CCDC14: variants seen among roughly 807,000 people sequenced by gnomAD.
The protein encoded by CCDC14 is coiled-coil domain-containing protein 14.
CCDC14 carries 71 observed loss-of-function variants against 81.4 expected under a neutral mutation model. The ratio of observed to expected loss-of-function variants is 0.87; its 90% CI spans 0.72 to 1.06. CCDC14 has a LOEUF of 1.06. CCDC14 is among the 50% of genes least tolerant of loss of function. The pLI, the probability that CCDC14 is intolerant of heterozygous loss-of-function variation, is 0.00. For synonymous variants in CCDC14, 332 were observed against 364.8 expected (o/e 0.91, Z 1.03); for missense variants, 1,046 against 1,047.3 (o/e 1.00, Z 0.02).
At position 123,946,994 on chromosome 3, in the gene CCDC14, G is replaced by C. The variant is rs151104051; in HGVS notation, c.1010C>G (p.Thr337Ser). Residue 337 changes from threonine to serine, a missense_variant, in exon 8 of 13, where the codon ACT (threonine) becomes AGT (serine). Transcript: ENST00000409697. ...CTCTCTGGCACATTTTTCTTCATTA[G>C]TGGCCAAGAAAGCTGGTTGTGACTG... The part of the protein sequence containing the change: ...PTQSQPAFLA[T>S]NEEKCAREQI... 15 of 1,613,752 alleles carry C rather than the reference G, an allele frequency of 9.3e-6. No individual in the cohort carries two copies. Among genetic ancestry groups the C allele is most frequent in the Non-Finnish European group, 1.2e-5 (14 of 1,179,866 alleles).
At chr3:123,908,634 T>A (rs928647170), downstream of CCDC14, among the ~76,000 whole-genome samples, 1 of 152,218 alleles carries the variant, frequency 6.6e-6, no homozygotes, top group African/African-American at 2.4e-5. Context: ...TAAATTCTCA[T>A]ACCCTTTCTG....
chr3:123,935,851 T>C (rs1220626117), intron 9 of CCDC14, among the ~76,000 whole-genome samples: 1 of 152,134 alleles, frequency 6.6e-6, no homozygotes, highest in Non-Finnish European at 1.5e-5. Context: ...TCTTCTCAAT[T>C]GTATACTTTC....
the CCDC14 span, among the ~76,000 whole-genome samples, chr3:123,886,610 A>G: frequency 6.6e-6 from 1 of 151,960 alleles, no homozygotes; most frequent in Non-Finnish European, 1.5e-5. Context: ...GTTGGCCAGG[A>G]TAGTCTCAAT....
chr3:123,909,099 T>G (rs1201100472), downstream of CCDC14, among the ~76,000 whole-genome samples: 1 of 152,024 alleles, frequency 6.6e-6, no homozygotes, highest in African/African-American at 2.4e-5. Flanking sequence ...GTTTTGGAGC[T>G]CCTTACTTTT....
intron 12 of CCDC14, among the ~76,000 whole-genome samples, chr3:123,925,090 G>C (rs2464117): frequency 6.6e-6 from 1 of 151,054 alleles, no homozygotes; most frequent in African/African-American, 2.4e-5. Context: ...ATTTCTTTAA[G>C]GAAAACGTGG....
chr3:123,908,668 T>G (rs1460515018), downstream of CCDC14, among the ~76,000 whole-genome samples: 1 of 151,726 alleles, frequency 6.6e-6, no homozygotes, highest in African/African-American at 2.4e-5. Context: ...TTGAGAGAAG[T>G]TGCTTTAAGT....
chr3:123,905,008 TGAGA>T (rs1320074761), intron 5 of CCDC14, among the ~76,000 whole-genome samples: 1 of 151,196 alleles, frequency 6.6e-6, no homozygotes, highest in Non-Finnish European at 1.5e-5. Context: ...GTAAAACAGA[TGAGA>T]GAGAGAGAGA....
At chr3:123,940,121 TAAAAC>T (rs915110243) in intron 9 of CCDC14, among the ~76,000 whole-genome samples, 10 of 151,640 alleles carry the variant, frequency 6.6e-5, no homozygotes, top group African/African-American at 2.4e-4. Context: ...TAGTAGCAAT[TAAAAC>T]AGAAAGACTT....
downstream of CCDC14, among the ~76,000 whole-genome samples, chr3:123,893,725 AAT>A (rs1271335540): frequency 6.6e-6 from 1 of 152,080 alleles, no homozygotes; most frequent in African/African-American, 2.4e-5. Context: ...TATTCTCATT[AAT>A]ATATATTATT....
intron 1 of CCDC14, chr3:123,958,556 C>T (rs1234882297): frequency 6.6e-6 from 1 of 151,892 alleles, no homozygotes; most frequent in Non-Finnish European, 1.5e-5. Context: ...TTTCCATATT[C>T]TCTCTCAATA....
At chr3:123,903,640 C>T (rs778791261) in intron 5 of CCDC14, among the ~76,000 whole-genome samples, 6 of 152,202 alleles carry the variant, frequency 3.9e-5, no homozygotes, top group East Asian at 1.9e-4. Context: ...GACTGGCCCA[C>T]TCTCTGTTTA....
chr3:123,906,189 G>T (rs529136066), intron 5 of CCDC14, among the ~76,000 whole-genome samples: 4 of 152,142 alleles, frequency 2.6e-5, no homozygotes, highest in African/African-American at 9.6e-5. Flanking sequence ...AATTAGCCAG[G>T]CGTGGTGGTG....
Position 123,939,051 on chromosome 3 carries a change from G to A in CCDC14, c.1344-5296C>T, listed in dbSNP as rs2036207078. ...TTTGAATTCACCTTTTGGTTGACTGGACTTTGCCATTCAAGTTTTTTGTTT... is the reference window on the plus strand; with the variant it reads ...TTTGAATTCACCTTTTGGTTGACTGAACTTTGCCATTCAAGTTTTTTGTTT... On this transcript the variant is annotated intron_variant, in intron 9 of 12. Transcript: ENST00000409697. Among the ~76,000 whole-genome samples the A allele has an allele frequency of 5.9e-5, 9 of 151,940 alleles. No homozygotes were observed. The South Asian group carries it at 1.9e-3, about 32-fold the overall frequency.
intron 5 of CCDC14, among the ~76,000 whole-genome samples, chr3:123,904,534 C>T (rs963262386): frequency 6.7e-6 from 1 of 150,212 alleles, no homozygotes; most frequent in Non-Finnish European, 1.5e-5. Context: ...ATAACCAACT[C>T]GTTAATCTCA....
intron 9 of CCDC14, among the ~76,000 whole-genome samples, chr3:123,944,002 C>A (rs1394248087): frequency 2.0e-5 from 3 of 152,138 alleles, no homozygotes; most frequent in Non-Finnish European, 4.4e-5. Context: ...CAGTCAGAAA[C>A]ACAGGCAAAA....
chr3:123,946,735 T>C (rs765984664), intron 8 of CCDC14, 68 bp downstream of exon 8: 7 of 1,392,848 alleles, frequency 5.0e-6, no homozygotes, highest in Admixed American at 2.2e-5. Context: ...ATTTAAATGA[T>C]AGCTAAATAA....
In CCDC14 at chr3:123,915,291, T is replaced by C. The variant is rs759816096; in HGVS notation, c.2206A>G (p.Arg736Gly). 1 of 1,613,976 alleles carries C rather than the reference T, an allele frequency of 6.2e-7. No individual in the cohort carries two copies. The highest frequency in any genetic ancestry group is 8.5e-7 in the Non-Finnish European group (1 of 1,179,890). ...LDNTIYIPFA[R>G]STPEKKSPLS... ...GGTGATTTCTTTTCAGGAGTGCTTCTAGCAAAAGGAATGTAAATTGTATTA... is the reference window on the plus strand; with the variant it reads ...GGTGATTTCTTTTCAGGAGTGCTTCCAGCAAAAGGAATGTAAATTGTATTA... Residue 736 changes from arginine (R) to glycine (G), a missense_variant, in exon 13 of 13, where the codon AGA (arginine) becomes GGA (glycine). By Grantham distance (125) the Arg-to-Gly change is moderately radical (BLOSUM62 -2). Coordinates refer to ENST00000409697, the MANE Select transcript of CCDC14 (RefSeq NM_001366335.1).
At chr3:123,919,322 C>T (rs2034901910) in intron 12 of CCDC14, among the ~76,000 whole-genome samples, 2 of 152,186 alleles carry the variant, frequency 1.3e-5, no homozygotes, top group South Asian at 4.1e-4. Context: ...GAAGTCCAGC[C>T]TGAGGTTTTG....
intron 7 of CCDC14, among the ~76,000 whole-genome samples, chr3:123,948,133 G>A (rs981269720): frequency 1.3e-5 from 2 of 151,926 alleles, no homozygotes; most frequent in African/African-American, 2.4e-5. Context: ...AACAGCAGTT[G>A]TACTTGGGTG....
Sources: allele counts gnomAD v4.1 joint callset (sites outside exome capture counted in the v4.1 genomes callset), GRCh38; gene constraint gnomAD v4.1.1; transcripts MANE v1.5; gene names NCBI Gene and HGNC (gene_info 2026-07-23, HGNC 2026-07-21).